Variants in PTPRD observed in about 807,000 individuals in gnomAD.
PTPRD encodes the protein receptor-type tyrosine-protein phosphatase delta.
PTPRD carries 34 observed loss-of-function variants against 214.5 expected under a neutral mutation model. The ratio of observed to expected loss-of-function variants is 0.16; its 90% CI spans 0.12 to 0.21. The LOEUF (loss-of-function observed/expected upper bound fraction) is 0.21, where lower values mean the gene tolerates loss of function less well. PTPRD is among the 10% of genes least tolerant of loss of function. The pLI is 1.00. For missense variants in PTPRD, 2,545 were observed against 2,398.7 expected, an observed-to-expected ratio of 1.06 and a Z score of -1.27; for synonymous variants, 1,128 against 845.7, an observed-to-expected ratio of 1.33 and a Z score of -5.79.
intron 14 of PTPRD, among the ~76,000 whole-genome samples, chr9:8,580,551 T>C (rs746701755): frequency 9.2e-5 from 14 of 152,320 alleles, no homozygotes; most frequent in Non-Finnish European, 1.8e-4. Context: ...AAGTACGTGA[T>C]AGTCTGAACT....
intron 11 of PTPRD, among the ~76,000 whole-genome samples, chr9:8,737,996 T>C (rs1235652706): frequency 2.0e-5 from 3 of 152,146 alleles, no homozygotes; most frequent in Non-Finnish European, 4.4e-5. Flanking sequence ...CAACCATGTA[T>C]ATGAATCTAA....
intron 10 of PTPRD, among the ~76,000 whole-genome samples, chr9:9,069,972 G>T (rs1044072615): frequency 6.6e-6 from 1 of 152,186 alleles, no homozygotes; most frequent in Admixed American, 6.5e-5. Context: ...TCTCCTAGGT[G>T]TCTGTGAGAG....
chr9:9,959,476 T>A (rs951964664), intron 4 of PTPRD, among the ~76,000 whole-genome samples: 1 of 151,966 alleles, frequency 6.6e-6, no homozygotes, highest in Non-Finnish European at 1.5e-5. Context: ...CAGCACAGAG[T>A]AAAACTTAAT....
At chr9:8,815,192 G>A (rs991477938) in intron 11 of PTPRD, among the ~76,000 whole-genome samples, 36 of 151,690 alleles carry the variant, frequency 2.4e-4, no homozygotes, top group Non-Finnish European at 1.5e-5. Flanking sequence ...TAGAGTAGAA[G>A]CAGGCATTTG....
Position 9,366,980 on chromosome 9 carries a change from G to A in PTPRD, c.-203+30469C>T, listed in dbSNP as rs10977682. ...TGAAAAAAATTACAAAATGTCCTGCGAAATTTGGTAGTAAAATGAAACAAA... is the reference window on the plus strand; with the variant it reads ...TGAAAAAAATTACAAAATGTCCTGCAAAATTTGGTAGTAAAATGAAACAAA... On this transcript the variant is annotated intron_variant, in intron 9 of 45. Transcript: ENST00000381196. Among the ~76,000 whole-genome samples, 104 of 151,196 alleles carry A rather than the reference G, an allele frequency of 6.9e-4. 2 individuals are homozygous for A. The East Asian group carries it at 0.018, about 26-fold the overall frequency.
At chr9:10,032,473 C>G (rs569731302) in intron 4 of PTPRD, among the ~76,000 whole-genome samples, 41 of 152,122 alleles carry the variant, frequency 2.7e-4, no homozygotes, top group Non-Finnish European at 4.9e-4. Context: ...CCCTGAAATT[C>G]TTTCACTCCC....
intron 3 of PTPRD, among the ~76,000 whole-genome samples, chr9:10,149,628 T>C (rs1193163439): frequency 1.3e-5 from 2 of 152,228 alleles, no homozygotes; most frequent in African/African-American, 2.4e-5. Flanking sequence ...ACCCAGGCCA[T>C]GCAGCCAGAA....
Position 9,965,336 on chromosome 9 carries a change from T to C in PTPRD, c.-471-26726A>G, listed in dbSNP as rs71497164. 8.7e-3 allele frequency among the ~76,000 whole-genome samples: 1,328 copies of C among 152,160 alleles called. 9 individuals carry two copies. The highest frequency in any genetic ancestry group is 0.013 in the Non-Finnish European group (907 of 67,988). The stretch of plus-strand genomic sequence containing the variant: ...AAGAAGAAACAATATGTGAGTTGGG[T>C]GTTAATGAGAGGAGAAGGCTTTCAA... On this transcript the variant is annotated intron_variant, in intron 4 of 45. Transcript: ENST00000381196.
chr9:9,610,153 C>T (rs2094441273), intron 7 of PTPRD, among the ~76,000 whole-genome samples: 1 of 152,100 alleles, frequency 6.6e-6, no homozygotes, highest in Non-Finnish European at 1.5e-5. Context: ...CGTTAGGAAT[C>T]TTTCGAAAGG....
chr9:8,460,905 A>G (rs2096380547), intron 32 of PTPRD, among the ~76,000 whole-genome samples: 3 of 152,076 alleles, frequency 2.0e-5, no homozygotes, highest in Admixed American at 2.0e-4. Flanking sequence ...ACCAGTTGCA[A>G]AATGTTTAAT....
chr9:10,470,460 A>G (rs2099023078), intron 2 of PTPRD, among the ~76,000 whole-genome samples: 1 of 152,178 alleles, frequency 6.6e-6, no homozygotes, highest in African/African-American at 2.4e-5. Flanking sequence ...TATATAAAAT[A>G]TAAATACATA....
intron 8 of PTPRD, among the ~76,000 whole-genome samples, chr9:9,401,422 T>C (rs1351126790): frequency 6.6e-6 from 1 of 151,954 alleles, no homozygotes; most frequent in Non-Finnish European, 1.5e-5. Flanking sequence ...CTCATATCAG[T>C]CAGGACTAAG....
At chr9:8,392,052 A>T (rs765172121) in intron 36 of PTPRD, among the ~76,000 whole-genome samples, 8 of 152,098 alleles carry the variant, frequency 5.3e-5, no homozygotes, top group Non-Finnish European at 8.8e-5. Flanking sequence ...GAAGACTACT[A>T]GGCACCAGGA....
chr9:10,387,743 C>T (rs963256005), intron 2 of PTPRD, among the ~76,000 whole-genome samples: 4 of 148,936 alleles, frequency 2.7e-5, no homozygotes, highest in Non-Finnish European at 5.9e-5. Flanking sequence ...CATTTGAGAC[C>T]ATTTCTGTCA....
intron 10 of PTPRD, among the ~76,000 whole-genome samples, chr9:9,035,662 C>A (rs2099619419): frequency 6.6e-6 from 1 of 150,576 alleles, no homozygotes; most frequent in South Asian, 2.1e-4. Flanking sequence ...CCCAATGGTG[C>A]TGTCAAGTCC....
rs58151324 is a variant in PTPRD at position 8,426,797 on chromosome 9, G to GT, written c.4086+9794dup. ...AATGTTAGTAAAGAAAATGTCTGAGGTTTTTTTTTTTTTTTTAATGTGGGT... is the reference window on the plus strand; with the variant it reads ...AATGTTAGTAAAGAAAATGTCTGAGGTTTTTTTTTTTTTTTTTAATGTGGGT... On this transcript the variant is annotated intron_variant, in intron 35 of 45. Transcript: ENST00000381196. Among the ~76,000 whole-genome samples the GT allele has an allele frequency of 5.5e-3, 797 of 143,978 alleles. 5 individuals carry two copies. Among genetic ancestry groups the GT allele is most frequent in the African/African-American group, 0.01 (409 of 39,290 alleles). 94.5% of individuals were successfully genotyped at this position (143,978 alleles called of 152,430 possible).
chr9:8,472,925 C>T (rs747447426), intron 30 of PTPRD, among the ~76,000 whole-genome samples: 40 of 152,010 alleles, frequency 2.6e-4, no homozygotes, highest in African/African-American at 7.5e-4. Flanking sequence ...TTCTGAAATA[C>T]GTGAGTAAAA....
intron 6 of PTPRD, among the ~76,000 whole-genome samples, chr9:9,760,409 G>A (rs1021523509): frequency 4.6e-5 from 7 of 151,870 alleles, no homozygotes; most frequent in African/African-American, 9.7e-5. Context: ...GAATTTCAAG[G>A]AGACACAAGG....
intron 8 of PTPRD, among the ~76,000 whole-genome samples, chr9:9,447,149 G>C (rs1449724528): frequency 1.3e-5 from 2 of 152,088 alleles, no homozygotes; most frequent in East Asian, 1.9e-4. Flanking sequence ...ATTTAACCCA[G>C]CAATCCGATT....
Sources: gnomAD v4.1 joint callset for allele counts (sites outside exome capture counted in the v4.1 genomes callset) on GRCh38, gnomAD v4.1.1 for gene constraint, MANE v1.5 for transcripts, NCBI Gene and HGNC (gene_info 2026-07-23, HGNC 2026-07-21) for gene names.